Variants in PCGF6 observed in about 807,000 individuals in gnomAD.
PCGF6 encodes polycomb group ring finger 6.
A neutral mutation model predicts 45.5 loss-of-function variants in PCGF6; 24 were observed. The observed-to-expected ratio is 0.53, with a 90% confidence interval of 0.38 to 0.74. PCGF6 has a LOEUF of 0.74. Among genes scored for constraint, PCGF6 ranks in the 30% least tolerant of loss-of-function variants. The probability of loss-of-function intolerance (pLI) is 0.00; values close to 1 mark genes in which losing one functional copy is unlikely to be tolerated. For missense variants in PCGF6, 356 were observed against 443.2 expected, an observed-to-expected ratio of 0.80 and a Z score of 1.77; for synonymous variants, 152 against 162.1, an observed-to-expected ratio of 0.94 and a Z score of 0.47.
chr10:103,347,579 C>T lies in PCGF6; in HGVS notation c.558-129G>A, dbSNP rs543343704. On this transcript the variant is annotated intron_variant, in intron 3 of 9. Coordinates refer to ENST00000369847, the MANE Select transcript of PCGF6 (RefSeq NM_001011663.2). ...TCAGAGGTGAGTTACTTTTAAGTAG[C>T]ATTTACAGTTCCTAAAATATAACTC... The T allele has an allele frequency of 1.0e-5, 7 of 680,246 alleles. No homozygotes were observed. In the Admixed American group the frequency reaches 1.7e-4, roughly 17 times the overall value. The allele number at this position is 680,246 out of a possible 1,614,324, so 42.1% of individuals were successfully genotyped here.
chr10:103,345,078 G>C lies in PCGF6; in HGVS notation c.728C>G (p.Ser243Ter). The C allele has an allele frequency of 6.2e-7, 1 of 1,613,446 alleles. No homozygotes were observed. Among genetic ancestry groups the C allele is most frequent in the African/African-American group, 1.3e-5 (1 of 74,996 alleles). ...SKGRSKKVLE[S>*]VFRIPPELDM... ...AAGTTCAGGTGGAATACGAAACACT[G>C]ATTCTAGGACTTTTTTAGATCTTCC... The change falls in exon 6 of 10, where the codon TCA becomes TGA. Residue 243 changes from serine (S) to a stop codon, truncating the protein, a stop_gained. Coordinates refer to ENST00000369847, the MANE Select transcript of PCGF6 (RefSeq NM_001011663.2). LOFTEE classifies it high-confidence loss of function.
At chr10:103,305,868 T>C (rs1415404503) in intron 9 of PCGF6, among the ~76,000 whole-genome samples, 5 of 148,598 alleles carry the variant, frequency 3.4e-5, no homozygotes, top group Non-Finnish European at 7.4e-5. Context: ...GGCAACATGG[T>C]GAAACTCCCC....
intron 6 of PCGF6, among the ~76,000 whole-genome samples, chr10:103,340,195 AAAAATATATATAT>A (rs2093275581): frequency 9.5e-6 from 1 of 105,566 alleles, no homozygotes; most frequent in African/African-American, 3.9e-5. Flanking sequence ...AAAAAAAAAA[AAAAATATATATAT>A]ATATATATAT....
At position 103,348,946 on chromosome 10, in the gene PCGF6, T is replaced by C. The variant is rs139397712; in HGVS notation, c.414A>G (p.Lys138=). The part of the protein sequence containing the change: ...LTPYILCSIC[K]GYLIDATTIT... ...TGGTAGTTGCATCTATTAAGTAACCTTTGCAAATGGAACACAAGATGTATG... is the reference window on the plus strand; with the variant it reads ...TGGTAGTTGCATCTATTAAGTAACCCTTGCAAATGGAACACAAGATGTATG... Residue 138 remains lysine (K), a synonymous_variant, in exon 2 of 10, where the codon AAA becomes AAG. Transcript: ENST00000369847. The C allele has an allele frequency of 4.8e-4, 776 of 1,613,942 alleles. No homozygotes were observed. The African/African-American group carries it at 7.7e-3, about 16-fold the overall frequency.
chr10:103,304,538 G>A (rs1215317818), intron 9 of PCGF6, among the ~76,000 whole-genome samples: 1 of 151,872 alleles, frequency 6.6e-6, no homozygotes, highest in African/African-American at 2.4e-5. Context: ...ACAGGGTTTT[G>A]CCATGTTGGC....
chr10:103,317,979 A>G (rs2093182359), intron 8 of PCGF6, among the ~76,000 whole-genome samples: 1 of 149,946 alleles, frequency 6.7e-6, no homozygotes, highest in African/African-American at 2.4e-5. Context: ...CTGGTCTCGA[A>G]CTCCCGAACT....
At chr10:103,326,489 G>A in intron 8 of PCGF6, 45 bp downstream of exon 8, 2 of 1,271,748 alleles carry the variant, frequency 1.6e-6, no homozygotes, top group South Asian at 1.4e-5. Flanking sequence ...TGTGCTAAAG[G>A]TAAGCTCACA....
At chr10:103,323,894 T>TGCCC (rs1193948855) in intron 8 of PCGF6, among the ~76,000 whole-genome samples, 1 of 151,750 alleles carries the variant, frequency 6.6e-6, no homozygotes, top group Non-Finnish European at 1.5e-5. Context: ...CAGTCACTGT[T>TGCCC]TTAACATATC....
intron 9 of PCGF6, among the ~76,000 whole-genome samples, chr10:103,309,140 G>T (rs114387999): frequency 0.015 from 2,302 of 152,052 alleles, 40 homozygotes; most frequent in South Asian, 0.074. Context: ...TTAAGACTTT[G>T]GGGGACTATT....
chr10:103,348,936 T>C lies in PCGF6; in HGVS notation c.424A>G (p.Ile142Val). The C allele has an allele frequency of 1.9e-6, 3 of 1,613,778 alleles. No individual in the cohort carries two copies. Among genetic ancestry groups the C allele is most frequent in the Non-Finnish European group, 2.5e-6 (3 of 1,179,652 alleles). Residue 142 changes from isoleucine (I) to valine (V), a missense_variant, in exon 2 of 10, where the codon ATA becomes GTA. Transcript: ENST00000369847. ...ILCSICKGYL[I>V]DATTITECLH... ...CATTCTGTGATGGTAGTTGCATCTA[T>C]TAAGTAACCTTTGCAAATGGAACAC...
At chr10:103,346,172 G>A (rs926911085) in intron 5 of PCGF6, among the ~76,000 whole-genome samples, 42 of 143,618 alleles carry the variant, frequency 2.9e-4, no homozygotes, top group African/African-American at 1.1e-3. Flanking sequence ...TCCAGCCTGT[G>A]CGACAGAGCA....
chr10:103,349,050 ATTCTT>A (rs1564736803), intron 1 of PCGF6, 51 bp from the exon 2 acceptor site: 1 of 1,484,322 alleles, frequency 6.7e-7, no homozygotes, highest in East Asian at 2.3e-5. Flanking sequence ...CCTTTTACAA[ATTCTT>A]TTTTTTTTTT....
chr10:103,339,385 G>C (rs897105974), intron 6 of PCGF6, among the ~76,000 whole-genome samples: 1 of 151,286 alleles, frequency 6.6e-6, no homozygotes, highest in Non-Finnish European at 1.5e-5. Context: ...GCAAGACCCT[G>C]TCTCAAGGAG....
chr10:103,304,103 A>G (rs1322770137), intron 9 of PCGF6, 142 bp from the exon 10 acceptor site: 1 of 638,000 alleles, frequency 1.6e-6, no homozygotes, highest in South Asian at 2.1e-5. Context: ...AGTGGACCAT[A>G]TAGTTTCTTA....
In PCGF6 at chr10:103,303,894, G is replaced by C. The variant is rs1324752310; in HGVS notation, c.*11C>G. The C allele has an allele frequency of 6.2e-7, 1 of 1,603,980 alleles. No homozygotes were observed. Among genetic ancestry groups the C allele is most frequent in the Admixed American group, 1.7e-5 (1 of 59,870 alleles). On this transcript the variant is annotated 3_prime_UTR_variant, in exon 10 of 10. Coordinates refer to ENST00000369847, the MANE Select transcript of PCGF6 (RefSeq NM_001011663.2). Reference sequence around the variant, plus strand: ...TCCTTTGTTTCCCTCCTCATAATGTGCCTAGAATCTTCAAGTTATCTTCAG... The same window carrying C: ...TCCTTTGTTTCCCTCCTCATAATGTCCCTAGAATCTTCAAGTTATCTTCAG...
intron 9 of PCGF6, among the ~76,000 whole-genome samples, chr10:103,305,676 C>T (rs2093135829): frequency 6.6e-6 from 1 of 152,142 alleles, no homozygotes; most frequent in African/African-American, 2.4e-5. Context: ...CAGCTCACCA[C>T]TATAATAATT....
In PCGF6 at chr10:103,350,767, G is replaced by C. The variant is rs1487932948; in HGVS notation, c.300C>G (p.Asp100Glu). The C allele has an allele frequency of 3.2e-6, 5 of 1,563,580 alleles. No individual in the cohort carries two copies. In the South Asian group the frequency reaches 4.7e-5, roughly 15 times the overall value. ...CCAGCCTCAACGAGAAGTGACTCATGTCCTCCTCCTCCTCCTCTTCTTCCT... is the reference window on the plus strand; with the variant it reads ...CCAGCCTCAACGAGAAGTGACTCATCTCCTCCTCCTCCTCCTCTTCTTCCT... ...LEEEEEEEEE[D>E]MSHFSLRLEG... The change falls in exon 1 of 10, where the codon GAC becomes GAG. Residue 100 changes from aspartate (D) to glutamate (E), a missense_variant. By Grantham distance (45) the Asp-to-Glu change is conservative. Coordinates refer to ENST00000369847, the MANE Select transcript of PCGF6 (RefSeq NM_001011663.2).
At chr10:103,347,012 G>C (rs532918342) in intron 5 of PCGF6, among the ~76,000 whole-genome samples, 1 of 152,234 alleles carries the variant, frequency 6.6e-6, no homozygotes, top group South Asian at 2.1e-4. Flanking sequence ...CTTGGCTTAA[G>C]TTATACACCT....
chr10:103,341,113 C>T (rs1302711431), intron 6 of PCGF6, among the ~76,000 whole-genome samples: 1 of 151,530 alleles, frequency 6.6e-6, no homozygotes, highest in African/African-American at 2.4e-5. Flanking sequence ...CCTGTAACCC[C>T]AACTATTTGG....
Sources: allele counts gnomAD v4.1 joint callset (sites outside exome capture counted in the v4.1 genomes callset), GRCh38; gene constraint gnomAD v4.1.1; transcripts MANE v1.5; gene names NCBI Gene and HGNC (gene_info 2026-07-23, HGNC 2026-07-21).